The following LRMDA variants were observed in gnomAD, a reference collection of about 807,000 sequenced individuals.
LRMDA encodes leucine rich melanocyte differentiation associated, also known as leucine-rich melanocyte differentiation-associated protein.
A neutral mutation model predicts 29.8 loss-of-function variants in LRMDA; 18 were observed. The ratio of observed to expected loss-of-function variants is 0.60; its 90% CI spans 0.42 to 0.90. LRMDA has a LOEUF of 0.90. Ranked by LOEUF, LRMDA falls within the 40% of genes least tolerant of loss-of-function variation. The pLI is 0.00. For synonymous variants in LRMDA, 125 were observed against 109.4 expected (o/e 1.14, Z -0.89); for missense variants, 273 against 273.9 (o/e 1.00, Z 0.02).
At chr10:76,400,725 C>T (rs1468280733) in intron 6 of LRMDA, among the ~76,000 whole-genome samples, 2 of 99,286 alleles carry the variant, frequency 2.0e-5, no homozygotes, top group Admixed American at 1.1e-4. Flanking sequence ...TAAATGTCAC[C>T]TCTTTCATAA....
intron 6 of LRMDA, among the ~76,000 whole-genome samples, chr10:76,375,062 TAACAA>T (rs1841499849): frequency 6.6e-6 from 1 of 152,144 alleles, no homozygotes; most frequent in African/African-American, 2.4e-5. Flanking sequence ...GTAAATTTCT[TAACAA>T]AGAAAAGAAA....
intron 2 of LRMDA, among the ~76,000 whole-genome samples, chr10:75,556,198 C>A (rs1286488258): frequency 6.6e-6 from 1 of 152,018 alleles, no homozygotes; most frequent in Non-Finnish European, 1.5e-5. Flanking sequence ...ATGAAAACCA[C>A]ACCCAGGCGC....
intron 5 of LRMDA, among the ~76,000 whole-genome samples, chr10:76,274,006 G>A (rs867740288): frequency 2.6e-5 from 4 of 151,982 alleles, no homozygotes; most frequent in African/African-American, 9.7e-5. Context: ...AGACAAAGCA[G>A]GATATATATT....
At chr10:76,089,804 T>A (rs993134016) in intron 5 of LRMDA, among the ~76,000 whole-genome samples, 1 of 152,124 alleles carries the variant, frequency 6.6e-6, no homozygotes, top group Non-Finnish European at 1.5e-5. Flanking sequence ...AACATAATGA[T>A]GGATAAATTA....
intron 6 of LRMDA, among the ~76,000 whole-genome samples, chr10:76,495,569 GA>G (rs2132339457): frequency 6.6e-6 from 1 of 151,722 alleles, no homozygotes; most frequent in African/African-American, 2.4e-5. Context: ...GATCTTATAG[GA>G]AAAAATATTT....
intron 2 of LRMDA, among the ~76,000 whole-genome samples, chr10:75,899,993 T>C (rs1464820549): frequency 6.6e-6 from 1 of 152,242 alleles, no homozygotes; most frequent in African/African-American, 2.4e-5. Context: ...CCAGCTTTGA[T>C]GTGTGTGAGC....
At chr10:75,580,772 A>G (rs1023637792) in intron 2 of LRMDA, among the ~76,000 whole-genome samples, 2 of 152,236 alleles carry the variant, frequency 1.3e-5, no homozygotes, top group Non-Finnish European at 1.5e-5. Flanking sequence ...CAACACATCT[A>G]CAACCATCTA....
chr10:76,475,123 G>A lies in LRMDA; in HGVS notation c.602-82086G>A, dbSNP rs138101660. Among the ~76,000 whole-genome samples, 1,345 of 151,744 alleles carry A rather than the reference G, an allele frequency of 8.9e-3. 14 individuals carry two copies. Among genetic ancestry groups the A allele is most frequent in the Non-Finnish European group, 0.014 (964 of 67,746 alleles). On this transcript the variant is annotated intron_variant, in intron 6 of 6. Transcript: ENST00000611255. Reference sequence around the variant, plus strand: ...ACCCAGTTACCAATGAACATATATAGCTTAAGGTAAATTCATAGAGACCAA... The same window carrying A: ...ACCCAGTTACCAATGAACATATATAACTTAAGGTAAATTCATAGAGACCAA...
At chr10:75,916,276 T>C (rs1189522478) in intron 2 of LRMDA, among the ~76,000 whole-genome samples, 2 of 151,804 alleles carry the variant, frequency 1.3e-5, no homozygotes, top group Non-Finnish European at 2.9e-5. Flanking sequence ...AAGCACCAAG[T>C]ACCAAGGAGG....
At chr10:76,267,983 A>T (rs564629098) in intron 5 of LRMDA, among the ~76,000 whole-genome samples, 1 of 152,208 alleles carries the variant, frequency 6.6e-6, no homozygotes, top group East Asian at 1.9e-4. Flanking sequence ...TGATTTACAT[A>T]TATTTGTTCT....
intron 2 of LRMDA, among the ~76,000 whole-genome samples, chr10:75,970,150 C>A (rs561144636): frequency 1.2e-4 from 19 of 152,182 alleles, no homozygotes; most frequent in Non-Finnish European, 2.1e-4. Flanking sequence ...CACTGATCTT[C>A]CCCCTAGTTT....
At chr10:76,018,567 G>GTTTTT (rs765340066) in intron 2 of LRMDA, among the ~76,000 whole-genome samples, 1 of 131,958 alleles carries the variant, frequency 7.6e-6, no homozygotes, top group African/African-American at 2.9e-5. Flanking sequence ...GGCTTCTGAA[G>GTTTTT]TTTTTTTTTT....
At chr10:76,075,365 C>G (rs963312047) in intron 5 of LRMDA, among the ~76,000 whole-genome samples, 2 of 152,212 alleles carry the variant, frequency 1.3e-5, no homozygotes, top group African/African-American at 2.4e-5. Context: ...AGTAAAGAGG[C>G]AGCAAGAGAG....
At chr10:76,011,947 T>G (rs1259717536) in intron 2 of LRMDA, among the ~76,000 whole-genome samples, 1 of 152,044 alleles carries the variant, frequency 6.6e-6, no homozygotes, top group Non-Finnish European at 1.5e-5. Flanking sequence ...TTCCCTTTGC[T>G]CCCTTCCCAA....
chr10:76,250,418 A>G (rs575764082), intron 5 of LRMDA, among the ~76,000 whole-genome samples: 36 of 152,320 alleles, frequency 2.4e-4, no homozygotes, highest in African/African-American at 8.7e-4. Flanking sequence ...TATGATATGT[A>G]TGTACTTTCA....
chr10:76,204,481 G>A (rs1197141835), intron 5 of LRMDA, among the ~76,000 whole-genome samples: 1 of 152,210 alleles, frequency 6.6e-6, no homozygotes, highest in Non-Finnish European at 1.5e-5. Flanking sequence ...TAGTGTTAAG[G>A]TGCTTAACTT....
intron 5 of LRMDA, among the ~76,000 whole-genome samples, chr10:76,298,043 TTACACACA>T (rs1409510284): frequency 5.3e-5 from 8 of 152,208 alleles, no homozygotes; most frequent in Non-Finnish European, 1.2e-4. Flanking sequence ...TCTCCTTGTC[TTACACACA>T]GCTGCGTGCG....
intron 5 of LRMDA, among the ~76,000 whole-genome samples, chr10:76,064,768 A>C (rs1691966160): frequency 6.6e-6 from 1 of 152,220 alleles, no homozygotes; most frequent in African/African-American, 2.4e-5. Context: ...CATGCCTATA[A>C]ATAAACATTA....
At chr10:76,048,824 C>T (rs1848484118) in intron 4 of LRMDA, among the ~76,000 whole-genome samples, 1 of 152,192 alleles carries the variant, frequency 6.6e-6, no homozygotes, top group Non-Finnish European at 1.5e-5. Flanking sequence ...ATTTCCACAT[C>T]TAGAGAATGG....
Sources: allele counts gnomAD v4.1 joint callset (sites outside exome capture counted in the v4.1 genomes callset), GRCh38; gene constraint gnomAD v4.1.1; transcripts MANE v1.5; gene names NCBI Gene and HGNC (gene_info 2026-07-23, HGNC 2026-07-21).